The following ABLIM2 variants were observed in gnomAD, a reference collection of about 807,000 sequenced individuals.
ABLIM2 encodes actin binding LIM protein family member 2.
ABLIM2 carries 53 observed loss-of-function variants against 97.7 expected under a neutral mutation model. The ratio of observed to expected loss-of-function variants is 0.54; its 90% confidence interval spans 0.44 to 0.68. ABLIM2 has a LOEUF of 0.68. Among genes scored for constraint, ABLIM2 ranks in the 30% least tolerant of loss-of-function variants. The probability of loss-of-function intolerance (pLI) is 0.00; values close to 1 mark genes in which losing one functional copy is unlikely to be tolerated. For synonymous variants in ABLIM2, 361 were observed against 345.8 expected (o/e 1.04, Z -0.49); for missense variants, 835 against 867.2 (o/e 0.96, Z 0.47).
At chr4:8,144,534 A>G (rs935448673) in intron 1 of ABLIM2, among the ~76,000 whole-genome samples, 6 of 152,182 alleles carry the variant, frequency 3.9e-5, no homozygotes, top group African/African-American at 1.4e-4. Flanking sequence ...ACCCACATTT[A>G]ATGCAGATTA....
Position 7,992,996 on chromosome 4 carries a change from G to C in ABLIM2, c.1619-69C>G, listed in dbSNP as rs1750160580. On this transcript the variant is annotated intron_variant, in intron 16 of 20. Coordinates refer to ENST00000447017, the MANE Select transcript of ABLIM2 (RefSeq NM_001130083.2). This position sits in a 1 kb window ranked among gnomAD's most constrained non-coding sequence, Gnocchi z 5.7. ...TGCAGCAATGGGGGTGCAGCCCTGG[G>C]GGGGCTTCCCACCGGGGTGGGCAAG... The C allele has an allele frequency of 6.5e-7, 1 of 1,548,388 alleles. No homozygotes were observed. The highest frequency in any genetic ancestry group is 1.2e-5 in the South Asian group (1 of 86,794).
At position 7,984,843 on chromosome 4, in the gene ABLIM2, C is replaced by T. The variant is rs780853683; in HGVS notation, c.1731G>A (p.Met577Ile). 18 of 1,602,664 alleles carry T rather than the reference C, an allele frequency of 1.1e-5. No individual in the cohort carries two copies. Among genetic ancestry groups the T allele is most frequent in the Non-Finnish European group, 1.4e-5 (16 of 1,175,142 alleles). The part of the protein sequence containing the change: ...CGADPDASWG[M>I]REYKIYPYDS... ...CAGGGTCCCCGCTCTGTGTACCTCG[C>T]ATGCCCCAGCTGGCATCCGGGTCTG... Residue 577 changes from methionine to isoleucine, a missense_variant, in exon 18 of 21, where the codon ATG (methionine) becomes ATA (isoleucine). Transcript: ENST00000447017.
Position 8,097,197 on chromosome 4 carries a change from G to A in ABLIM2, c.240C>T (p.Gly80=), listed in dbSNP as rs767569226. The A allele has an allele frequency of 6.9e-6, 11 of 1,595,898 alleles. No homozygotes were observed. Among genetic ancestry groups the A allele is most frequent in the Admixed American group, 1.7e-5 (1 of 57,440 alleles). Residue 80 remains glycine (G), a synonymous_variant, in exon 3 of 21, where the codon GGC becomes GGT. Coordinates refer to ENST00000447017, the MANE Select transcript of ABLIM2 (RefSeq NM_001130083.2). ...ACTGGTCGCAGCTGAAGCAGCGGGT[G>A]CCGTAGAGCCTCTGGTAGTCCAGCG... The part of the protein sequence containing the change: ...ICTLDYQRLY[G]TRCFSCDQFI...
rs986115520 is a variant in ABLIM2, at chr4:8,043,564, C to G, written c.900+1600G>C. 3.3e-5 allele frequency among the ~76,000 whole-genome samples: 5 copies of G among 152,040 alleles called. No individual in the cohort carries two copies. Among genetic ancestry groups the G allele is most frequent in the Non-Finnish European group, 7.4e-5 (5 of 68,014 alleles). On this transcript the variant is annotated intron_variant, in intron 9 of 20. Coordinates refer to ENST00000447017, the MANE Select transcript of ABLIM2 (RefSeq NM_001130083.2). The surrounding 1 kb of genome is among the most constrained non-coding windows in gnomAD (Gnocchi z 4.8). Reference sequence around the variant, plus strand: ...GATCCAATCCAATCTGCCTGGTGTCCTTATGGGAAGAAATCAGGACCCGGA... The same window carrying G: ...GATCCAATCCAATCTGCCTGGTGTCGTTATGGGAAGAAATCAGGACCCGGA...
chr4:8,016,288 C>T (rs775278886), intron 14 of ABLIM2, among the ~76,000 whole-genome samples: 5 of 152,162 alleles, frequency 3.3e-5, no homozygotes, highest in South Asian at 2.1e-4. Context: ...ACGTGATCCA[C>T]CTGCCTTGGC....
chr4:7,985,120 A>G (rs1742702549), intron 17 of ABLIM2, among the ~76,000 whole-genome samples: 1 of 152,178 alleles, frequency 6.6e-6, no homozygotes, highest in African/African-American at 2.4e-5. Context: ...TTTCTTGCTC[A>G]TAGGATGCCC....
rs1192392078 is a variant in ABLIM2 at position 8,004,693 on chromosome 4, A to C, written c.1618+3366T>G. On this transcript the variant is annotated intron_variant, in intron 16 of 20. Coordinates refer to ENST00000447017, the MANE Select transcript of ABLIM2 (RefSeq NM_001130083.2). This position sits in a 1 kb window ranked among gnomAD's most constrained non-coding sequence, Gnocchi z 5.9. The stretch of plus-strand genomic sequence containing the variant: ...CACACCACCTTGTGTTCCTCCCCCA[A>C]GGCAGCGAGTCTTGTTCTAGAAAAC... 1.3e-5 allele frequency among the ~76,000 whole-genome samples: 2 copies of C among 152,226 alleles called. No homozygotes were observed. The highest frequency in any genetic ancestry group is 2.9e-5 in the Non-Finnish European group (2 of 68,046).
chr4:8,008,276 G>T, intron 15 of ABLIM2, 76 bp from the exon 16 acceptor site: 1 of 1,412,354 alleles, frequency 7.1e-7, no homozygotes, highest in Non-Finnish European at 9.8e-7. Context: ...GACCCTTCTT[G>T]TAGCTTCCTT....
chr4:8,137,483 G>A (rs889588924), intron 1 of ABLIM2, among the ~76,000 whole-genome samples: 1 of 152,210 alleles, frequency 6.6e-6, no homozygotes, highest in Non-Finnish European at 1.5e-5. Context: ...GAGCGGGGGC[G>A]TCCCATGAGG....
In ABLIM2 at chr4:8,149,350, T is replaced by C. The variant is rs949707334; in HGVS notation, c.10+9330A>G. Among the ~76,000 whole-genome samples, 3 of 152,030 alleles carry C rather than the reference T, an allele frequency of 2.0e-5. No individual in the cohort carries two copies. Among genetic ancestry groups the C allele is most frequent in the Non-Finnish European group, 4.4e-5 (3 of 68,012 alleles). On this transcript the variant is annotated intron_variant, in intron 1 of 20. Transcript: ENST00000447017. The surrounding 1 kb of genome is among the most constrained non-coding windows in gnomAD (Gnocchi z 6.4). ...AGTCACAGGGCCTGGGATTAGGACA[T>C]GGGCACCTTTGAGTCCACTGTTCAG...
intron 14 of ABLIM2, among the ~76,000 whole-genome samples, chr4:8,011,304 C>G (rs183708657): frequency 6.6e-6 from 1 of 152,268 alleles, no homozygotes; most frequent in Non-Finnish European, 1.5e-5. Flanking sequence ...ACACTGCCAG[C>G]TCCTCCAGAT....
intron 6 of ABLIM2, among the ~76,000 whole-genome samples, chr4:8,065,864 C>A (rs1345498791): frequency 6.6e-6 from 1 of 150,550 alleles, no homozygotes; most frequent in Non-Finnish European, 1.5e-5. Context: ...GCGGAGGTTG[C>A]AGTGAGCTGA....
At chr4:8,098,672 C>T (rs944445537) in intron 2 of ABLIM2, among the ~76,000 whole-genome samples, 2 of 152,200 alleles carry the variant, frequency 1.3e-5, no homozygotes, top group African/African-American at 4.8e-5. Context: ...CAGCTCTACC[C>T]GCGTAGTGTG....
intron 1 of ABLIM2, 21 bp from the exon 2 acceptor site, chr4:8,106,658 G>C (rs1215706412): frequency 6.3e-7 from 1 of 1,592,570 alleles, no homozygotes; most frequent in Non-Finnish European, 8.5e-7. Flanking sequence ...AGAGAGAAGA[G>C]CAGCGTTCAA....
chr4:8,101,473 C>T (rs1456083932), intron 2 of ABLIM2, among the ~76,000 whole-genome samples: 4 of 152,244 alleles, frequency 2.6e-5, no homozygotes, highest in South Asian at 2.1e-4. Context: ...CCAGGAAGCA[C>T]GTGTGCAGGC....
At chr4:8,097,385 A>C in intron 2 of ABLIM2, 103 bp from the exon 3 acceptor site, 1 of 1,384,758 alleles carries the variant, frequency 7.2e-7, no homozygotes, top group Non-Finnish European at 9.8e-7. Flanking sequence ...ACCACCTGAC[A>C]CAGGCACTGA....
chr4:8,000,924 G>A (rs1391119114), intron 16 of ABLIM2, among the ~76,000 whole-genome samples: 1 of 152,194 alleles, frequency 6.6e-6, no homozygotes, highest in East Asian at 1.9e-4. Context: ...GTCACCGCTG[G>A]ACATTCAAGG....
Position 7,967,774 on chromosome 4 carries a change from C to A in ABLIM2, c.1825-671G>T, listed in dbSNP as rs1055319091. ...ATAGGAGTGAGTTAGACCCTGGAGCCTCAGTCTGCTCATCTGTGTAATGGG... is the reference window on the plus strand; with the variant it reads ...ATAGGAGTGAGTTAGACCCTGGAGCATCAGTCTGCTCATCTGTGTAATGGG... On this transcript the variant is annotated intron_variant, in intron 20 of 20. Transcript: ENST00000447017. 2.6e-4 allele frequency among the ~76,000 whole-genome samples: 40 copies of A among 152,240 alleles called. 2 individuals carry two copies.
In ABLIM2 at chr4:8,125,532, G is replaced by A. The variant is rs1208331971; in HGVS notation, c.11-18895C>T. On this transcript the variant is annotated intron_variant, in intron 1 of 20. Transcript: ENST00000447017. The surrounding 1 kb of genome is among the most constrained non-coding windows in gnomAD (Gnocchi z 6.2). ...GATGGCTCTGCCATCAGCGTTGACG[G>A]TCTGGTCCATCTACCACAGTCGATC... is the stretch of plus-strand genomic sequence containing the variant. Among the ~76,000 whole-genome samples, 1 of 152,016 alleles carries A rather than the reference G, an allele frequency of 6.6e-6. No individual in the cohort carries two copies. Among genetic ancestry groups the A allele is most frequent in the Non-Finnish European group, 1.5e-5 (1 of 67,990 alleles).
Sources: gnomAD v4.1 joint callset for allele counts (sites outside exome capture counted in the v4.1 genomes callset) on GRCh38, gnomAD v4.1.1 for gene constraint, Gnocchi (gnomAD v3.1) non-coding constraint, MANE v1.5 for transcripts, NCBI Gene and HGNC (gene_info 2026-07-23, HGNC 2026-07-21) for gene names.